TACC2: variants seen among roughly 807,000 people sequenced by gnomAD.
TACC2 encodes transforming acidic coiled-coil-containing protein 2.
A neutral mutation model predicts 227.3 loss-of-function variants in TACC2; 137 were observed. The ratio of observed to expected loss-of-function variants is 0.60; its 90% CI spans 0.52 to 0.69. The LOEUF is 0.69. Ranked by LOEUF, TACC2 falls within the 30% of genes least tolerant of loss-of-function variation. The probability of loss-of-function intolerance (pLI) is 0.00; values close to 1 mark genes in which losing one functional copy is unlikely to be tolerated. For synonymous variants in TACC2, 1,523 were observed against 1,487.5 expected, an observed-to-expected ratio of 1.02 and a Z score of -0.55; for missense variants, 3,470 against 3,694.4, an observed-to-expected ratio of 0.94 and a Z score of 1.57.
chr10:122,026,606 A>G (rs1247202187), intron 2 of TACC2, among the ~76,000 whole-genome samples: 1 of 152,122 alleles, frequency 6.6e-6, no homozygotes, highest in Non-Finnish European at 1.5e-5. Flanking sequence ...ACTGCCCTAA[A>G]AATCCTCTGG....
At chr10:122,129,003 T>C (rs1026818476) in intron 5 of TACC2, among the ~76,000 whole-genome samples, 3 of 151,440 alleles carry the variant, frequency 2.0e-5, no homozygotes, top group Non-Finnish European at 2.9e-5. Flanking sequence ...TTTCAACCTA[T>C]GTTCAATTAA....
chr10:122,053,105 G>A (rs374269612), intron 3 of TACC2, among the ~76,000 whole-genome samples: 5 of 152,258 alleles, frequency 3.3e-5, no homozygotes, highest in African/African-American at 7.2e-5. Context: ...GTATTAGTCC[G>A]TTTTCACACT....
chr10:122,096,695 C>CAA (rs57474527), intron 5 of TACC2, among the ~76,000 whole-genome samples: 1,662 of 115,978 alleles, frequency 0.014, 36 homozygotes, highest in African/African-American at 0.047. Flanking sequence ...AACTCCGTCT[C>CAA]AAAAAAAAAA....
intron 16 of TACC2, among the ~76,000 whole-genome samples, chr10:122,233,374 A>G (rs1564755486): frequency 1.3e-5 from 2 of 152,196 alleles, no homozygotes; most frequent in Non-Finnish European, 1.5e-5. Context: ...GACCCAATAT[A>G]AAGACGGAAG....
chr10:122,242,473 C>T (rs1365958998), intron 19 of TACC2, among the ~76,000 whole-genome samples: 1 of 152,168 alleles, frequency 6.6e-6, no homozygotes, highest in Non-Finnish European at 1.5e-5. Flanking sequence ...CTCCCGTGAC[C>T]ATGGCAGGCC....
At chr10:122,021,858 T>C (rs1004881374) in intron 1 of TACC2, 79 bp from the exon 2 acceptor site, 1 of 788,974 alleles carries the variant, frequency 1.3e-6, no homozygotes, top group Non-Finnish European at 2.2e-6. Context: ...GGCTTTTGAG[T>C]TTGGGGAGAT....
chr10:122,245,688 C>G (rs77125488), intron 19 of TACC2, among the ~76,000 whole-genome samples: 1,885 of 152,276 alleles, frequency 0.012, 45 homozygotes, highest in African/African-American at 0.043. Context: ...CACTGTTGCT[C>G]TGATTCCAGG....
rs766663899 is a variant in TACC2, at chr10:122,237,476, C to G, written c.8209C>G (p.Pro2737Ala). The change falls in exon 17 of 23, where the codon CCT (proline) becomes GCT (alanine). Residue 2737 changes from proline to alanine, a missense_variant. By Grantham distance (27) the Pro-to-Ala change is conservative (BLOSUM62 -1). Transcript: ENST00000369005. ...CATCGGGACCGCTGAGGTGGAGAAA[C>G]CTGCAGGCCTTCTGTTCCAGCAGCC... ...SRIGTAEVEK[P>A]AGLLFQQPDL... The G allele has an allele frequency of 6.2e-7, 1 of 1,614,044 alleles. No individual in the cohort carries two copies.
chr10:122,078,087 C>T (rs944908694), intron 3 of TACC2, among the ~76,000 whole-genome samples: 4 of 149,754 alleles, frequency 2.7e-5, no homozygotes, highest in African/African-American at 4.9e-5. Flanking sequence ...CCAGGCCACT[C>T]GGGAGACTGA....
chr10:122,211,914 C>T (rs1250343723), intron 9 of TACC2, among the ~76,000 whole-genome samples: 1 of 152,214 alleles, frequency 6.6e-6, no homozygotes, highest in African/African-American at 2.4e-5. Flanking sequence ...TTTTCCCATC[C>T]ACATACCCCT....
At chr10:122,017,343 C>T (rs1956788177) in intron 1 of TACC2, among the ~76,000 whole-genome samples, 1 of 152,106 alleles carries the variant, frequency 6.6e-6, no homozygotes, top group African/African-American at 2.4e-5. Context: ...CCTGTGCCGC[C>T]GCCGTTTTGG....
chr10:122,087,580 G>T lies in TACC2; in HGVS notation c.5080G>T (p.Glu1694Ter). ...PTGEVADTPL[E>*]PGKVAGAAGE... The stretch of plus-strand genomic sequence containing the variant: ...TGGAGAAGTGGCAGACACTCCCCTG[G>T]AGCCTGGCAAGGTGGCAGGCGCTGC... Residue 1694 changes from glutamate (E) to a stop codon, truncating the protein, a stop_gained, in exon 4 of 23, where the codon GAG becomes TAG. Transcript: ENST00000369005. LOFTEE classifies it high-confidence loss of function. 6.2e-7 allele frequency: 1 copy of T among 1,613,708 alleles called. No homozygotes were observed. The highest frequency in any genetic ancestry group is 8.5e-7 in the Non-Finnish European group (1 of 1,180,032).
rs140523380 is a variant in TACC2, at chr10:122,062,025, C to CTTTT, written c.146+11497_146+11500dup. Among the ~76,000 whole-genome samples, 53 of 63,968 alleles carry CTTTT rather than the reference C, an allele frequency of 8.3e-4. 1 individual carries two copies. Among genetic ancestry groups the CTTTT allele is most frequent in the African/African-American group, 2.0e-3 (32 of 16,012 alleles). The allele number at this position is 63,968 out of a possible 152,430, so 42.0% of individuals were successfully genotyped here. On this transcript the variant is annotated intron_variant, in intron 3 of 22. Coordinates refer to ENST00000369005, the MANE Select transcript of TACC2 (RefSeq NM_206862.4). Reference sequence around the variant, plus strand: ...TAAACTTTAGGACATGTCAGAGCGGCTTTTTTTTTTTTTTTTTTTTTTTTT... The same window carrying CTTTT: ...TAAACTTTAGGACATGTCAGAGCGGCTTTTTTTTTTTTTTTTTTTTTTTTTTTTT...
Position 122,223,048 on chromosome 10 carries a change from TCTCTC to T in TACC2, c.7547-1677_7547-1673del, listed in dbSNP as rs796119349. Reference sequence around the variant, plus strand: ...TCTCCTTCCTCCTCCTCTCTCTCTCTCTCTCTTTTTTTTTTTTTTTTTTTTGAGGC... The same window carrying T: ...TCTCCTTCCTCCTCCTCTCTCTCTCTTTTTTTTTTTTTTTTTTTTTGAGGC... On this transcript the variant is annotated intron_variant, in intron 11 of 22. Coordinates refer to ENST00000369005, the MANE Select transcript of TACC2 (RefSeq NM_206862.4). 2.0e-3 allele frequency among the ~76,000 whole-genome samples: 269 copies of T among 137,104 alleles called. 2 individuals are homozygous for T. The highest frequency in any genetic ancestry group is 7.3e-3 in the African/African-American group (260 of 35,556). The allele number at this position is 137,104 out of a possible 152,430, so 89.9% of individuals were successfully genotyped here.
intron 2 of TACC2, among the ~76,000 whole-genome samples, chr10:122,049,629 A>C (rs1338847047): frequency 6.6e-6 from 1 of 152,034 alleles, no homozygotes; most frequent in African/African-American, 2.4e-5. Flanking sequence ...AATGAAAGAC[A>C]ACCACTGCTT....
Position 122,084,241 on chromosome 10 carries a change from G to A in TACC2, c.1741G>A (p.Glu581Lys), listed in dbSNP as rs777760422. 1.2e-6 allele frequency: 2 copies of A among 1,614,072 alleles called. No individual in the cohort carries two copies. Among genetic ancestry groups the A allele is most frequent in the Non-Finnish European group, 1.7e-6 (2 of 1,180,044 alleles). ...TGGTGACAGCCCTGGAGGAAAGGAG[G>A]AAGCCCCAGAGCCACCTGATGGTGG... ...SPGDSPGGKE[E>K]APEPPDGGDP... Residue 581 changes from glutamate to lysine, a missense_variant, in exon 4 of 23, where the codon GAA (glutamate) becomes AAA (lysine). Coordinates refer to ENST00000369005, the MANE Select transcript of TACC2 (RefSeq NM_206862.4).
intron 3 of TACC2, among the ~76,000 whole-genome samples, chr10:122,070,753 CAAAAA>C (rs367744186): frequency 1.0e-5 from 1 of 99,640 alleles, no homozygotes; most frequent in Non-Finnish European, 1.9e-5. Flanking sequence ...AATTCCGTCT[CAAAAA>C]AAAAAAAAAA....
At chr10:122,191,512 G>A (rs541871073) in intron 7 of TACC2, among the ~76,000 whole-genome samples, 1 of 152,110 alleles carries the variant, frequency 6.6e-6, no homozygotes, top group East Asian at 1.9e-4. Flanking sequence ...TAGCTGATGA[G>A]CTGGAAAAAA....
intron 18 of TACC2, among the ~76,000 whole-genome samples, chr10:122,238,253 T>A (rs1208540420): frequency 6.6e-6 from 1 of 152,220 alleles, no homozygotes; most frequent in Non-Finnish European, 1.5e-5. Context: ...AATAAATGTA[T>A]GTACAATGCA....
Sources: gnomAD v4.1 joint callset for allele counts (sites outside exome capture counted in the v4.1 genomes callset) on GRCh38, gnomAD v4.1.1 for gene constraint, MANE v1.5 for transcripts, NCBI Gene and HGNC (gene_info 2026-07-23, HGNC 2026-07-21) for gene names.